Variants in KCNN2 observed in about 807,000 individuals in gnomAD.
The protein encoded by KCNN2 is small conductance calcium-activated potassium channel protein 2.
Under a neutral mutation model 55.5 loss-of-function variants are expected in KCNN2, and 24 were observed. That is an observed-to-expected ratio of 0.43 (90% CI 0.31 to 0.61). The LOEUF is 0.61. Ranked by LOEUF, KCNN2 falls within the 20% of genes least tolerant of loss-of-function variation. The pLI is 0.08. For synonymous variants in KCNN2, 431 were observed against 336.1 expected (o/e 1.28, Z -3.09); for missense variants, 754 against 853.6 (o/e 0.88, Z 1.45).
intron 2 of KCNN2, among the ~76,000 whole-genome samples, chr5:114,330,258 A>T (rs764082359): frequency 9.9e-5 from 15 of 152,280 alleles, no homozygotes; most frequent in Non-Finnish European, 2.2e-4. Flanking sequence ...TAGTTCAGGA[A>T]GTTCCTGGGA....
At chr5:114,202,587 T>TATA (rs1368706421) in intron 1 of KCNN2, among the ~76,000 whole-genome samples, 183 of 88,170 alleles carry the variant, frequency 2.1e-3, no homozygotes, top group African/African-American at 8.4e-3. Context: ...ATATATATAT[T>TATA]TTTTTTTTTT....
intron 1 of KCNN2, among the ~76,000 whole-genome samples, chr5:114,166,810 A>G (rs1206891136): frequency 2.0e-5 from 3 of 152,052 alleles, no homozygotes; most frequent in African/African-American, 7.2e-5. Context: ...AGGTGATTAG[A>G]TCATGAAGGT....
At chr5:114,069,144 G>A (rs1371660703) in intron 1 of KCNN2, among the ~76,000 whole-genome samples, 3 of 152,116 alleles carry the variant, frequency 2.0e-5, no homozygotes, top group Non-Finnish European at 2.9e-5. Flanking sequence ...TCCAACTATA[G>A]ATGATGCCAA....
intron 2 of KCNN2, among the ~76,000 whole-genome samples, chr5:114,331,880 A>G (rs1160584093): frequency 6.6e-6 from 1 of 152,218 alleles, no homozygotes; most frequent in Non-Finnish European, 1.5e-5. Context: ...ATATATATTG[A>G]GCACTGCACC....
At chr5:114,111,543 C>G (rs555733024) in intron 1 of KCNN2, among the ~76,000 whole-genome samples, 68 of 152,108 alleles carry the variant, frequency 4.5e-4, no homozygotes, top group African/African-American at 1.5e-3. Context: ...AGTGAACAGG[C>G]AACCTACAGA....
At chr5:114,294,163 T>C (rs1580701338) in intron 2 of KCNN2, among the ~76,000 whole-genome samples, 1 of 152,154 alleles carries the variant, frequency 6.6e-6, no homozygotes, top group African/African-American at 2.4e-5. Flanking sequence ...GCATTAATTT[T>C]TTGAAGGGTT....
intron 2 of KCNN2, among the ~76,000 whole-genome samples, chr5:114,318,625 AATT>A (rs1279929469): frequency 4.0e-5 from 6 of 151,320 alleles, no homozygotes; most frequent in East Asian, 1.9e-4. Flanking sequence ...ATTCATATAT[AATT>A]ATTATGTATA....
At chr5:114,449,187 GCCTTTCCAAGGGACCTCTGACTAA>G (rs1457449880) in intron 3 of KCNN2, among the ~76,000 whole-genome samples, 7 of 152,076 alleles carry the variant, frequency 4.6e-5, no homozygotes. Context: ...TGTTGCTCCT[GCCTTTCCAAGGGACCTCTGACTAA>G]CCTTTTCCTC....
chr5:114,441,348 C>G (rs1377886793), intron 3 of KCNN2, among the ~76,000 whole-genome samples: 1 of 152,124 alleles, frequency 6.6e-6, no homozygotes, highest in Non-Finnish European at 1.5e-5. Flanking sequence ...ATATATTAAA[C>G]CCTGTAGCCA....
intron 2 of KCNN2, among the ~76,000 whole-genome samples, chr5:114,312,304 C>A (rs1274735254): frequency 6.7e-6 from 1 of 150,178 alleles, no homozygotes; most frequent in Non-Finnish European, 1.5e-5. Context: ...TAAATTACTT[C>A]TTAAAATAAC....
At chr5:114,441,605 T>C (rs928045156) in intron 3 of KCNN2, among the ~76,000 whole-genome samples, 5 of 152,202 alleles carry the variant, frequency 3.3e-5, no homozygotes, top group Admixed American at 1.3e-4. Context: ...AATGTCATGA[T>C]AATATGAGGG....
At chr5:114,124,908 A>T (rs1174638671) in intron 1 of KCNN2, among the ~76,000 whole-genome samples, 1 of 152,166 alleles carries the variant, frequency 6.6e-6, no homozygotes, top group Non-Finnish European at 1.5e-5. Context: ...CGTTAGAAAT[A>T]CTTTATTTAT....
chr5:114,363,812 G>A (rs1231851428), intron 1 of KCNN2, 94 bp from the exon 2 acceptor site: 2 of 831,742 alleles, frequency 2.4e-6, no homozygotes, highest in East Asian at 2.4e-5. Flanking sequence ...TGTGAGTTCA[G>A]GTCCACCTGT....
rs142754985 is a variant in KCNN2 at position 114,301,726 on chromosome 5, T to C, written c.-184-59219T>C. Among the ~76,000 whole-genome samples the C allele has an allele frequency of 1.6e-3, 248 of 152,272 alleles. 1 individual carries two copies. The highest frequency in any genetic ancestry group is 5.4e-3 in the African/African-American group (225 of 41,540). Reference sequence around the variant, plus strand: ...GGGTAGCCTTTTGGCTGAGGAGTTATTCAATAAAAACTTACAGAAGACTGT... The same window carrying C: ...GGGTAGCCTTTTGGCTGAGGAGTTACTCAATAAAAACTTACAGAAGACTGT... On this transcript the variant is annotated intron_variant, in intron 2 of 10. Coordinates refer to the KCNN2 transcript ENST00000512097.
intron 2 of KCNN2, among the ~76,000 whole-genome samples, chr5:114,320,192 T>TA (rs1307676915): frequency 6.6e-6 from 1 of 152,098 alleles, no homozygotes; most frequent in Non-Finnish European, 1.5e-5. Flanking sequence ...TTTCATAGAG[T>TA]AAAATCAACA....
At chr5:114,375,395 T>C (rs867297651) in intron 2 of KCNN2, among the ~76,000 whole-genome samples, 8 of 152,248 alleles carry the variant, frequency 5.3e-5, no homozygotes, top group Middle Eastern at 3.4e-3. Flanking sequence ...AGCAAAGGTA[T>C]TGACTGAAAA....
chr5:114,248,966 CCA>C (rs1030072007), intron 2 of KCNN2, among the ~76,000 whole-genome samples: 1 of 152,126 alleles, frequency 6.6e-6, no homozygotes, highest in African/African-American at 2.4e-5. Context: ...CAGGTGAAAA[CCA>C]GATTGTCCTG....
chr5:114,389,438 C>A (rs1321399700), intron 2 of KCNN2, among the ~76,000 whole-genome samples: 3 of 152,122 alleles, frequency 2.0e-5, no homozygotes, highest in Non-Finnish European at 4.4e-5. Flanking sequence ...GTAACCCTGG[C>A]AAGTTCCTTA....
rs551938456 is a variant in KCNN2 at position 114,103,991 on chromosome 5, G to T, written c.-271+47491G>T. On this transcript the variant is annotated intron_variant, in intron 1 of 10. Transcript: ENST00000512097. ...TTTTCTATTGCTTGGAATAGTTTCA[G>T]AAGGAATGGTACCAGCTCCTCTTTT... Among the ~76,000 whole-genome samples the T allele has an allele frequency of 1.0e-3, 153 of 152,278 alleles. 1 individual carries two copies. Among genetic ancestry groups the T allele is most frequent in the Admixed American group, 7.2e-4 (11 of 15,286 alleles).
Sources: gnomAD v4.1 joint callset for allele counts (sites outside exome capture counted in the v4.1 genomes callset) on GRCh38, gnomAD v4.1.1 for gene constraint, MANE v1.5 for transcripts, NCBI Gene and HGNC (gene_info 2026-07-23, HGNC 2026-07-21) for gene names.